Variants in VPS52 observed in about 807,000 individuals in gnomAD.
VPS52 encodes the protein VPS52 subunit of GARP complex, also known as vacuolar protein sorting-associated protein 52 homolog.
VPS52 carries 56 observed loss-of-function variants against 98.7 expected under a neutral mutation model. The ratio of observed to expected loss-of-function variants is 0.57; its 90% CI spans 0.46 to 0.71. VPS52 has a LOEUF of 0.71. VPS52 is among the 30% of genes least tolerant of loss of function. VPS52 has a pLI of 0.00. For synonymous variants in VPS52, 348 were observed against 346.4 expected (o/e 1.00, Z -0.05); for missense variants, 742 against 925.9 (o/e 0.80, Z 2.58).
chr6:33,268,087 G>C lies in VPS52; in HGVS notation c.800+21C>G, dbSNP rs1310263694. 24 of 1,613,068 alleles carry C rather than the reference G, an allele frequency of 1.5e-5. No individual in the cohort carries two copies. Among genetic ancestry groups the C allele is most frequent in the Non-Finnish European group, 2.0e-5 (24 of 1,180,024 alleles). ...CTCAAAAACTCAAAGGCCATCCCAT[G>C]CACTTCCTTGGGGTTGTGACCTGTA... is the stretch of plus-strand genomic sequence containing the variant. On this transcript the variant is annotated intron_variant, in intron 8 of 19. Transcript: ENST00000445902. The surrounding 1 kb of genome is among the most constrained non-coding windows in gnomAD (Gnocchi z 4.0).
chr6:33,258,809 C>A (rs1447615985), intron 17 of VPS52, among the ~76,000 whole-genome samples: 1 of 152,190 alleles, frequency 6.6e-6, no homozygotes. Flanking sequence ...CTCAACTGAT[C>A]CATCCGCCTC....
Position 33,268,495 on chromosome 6 carries a change from C to T in VPS52, c.699+4G>A. ...CCTCCAGGGTATCCATCCCTACTTC[C>T]CACCTTGACCCGGAGCCGATCGAGC... On this transcript the variant is annotated splice_donor_region_variant and intron_variant, in intron 7 of 19. Transcript: ENST00000445902. The surrounding 1 kb of genome is among the most constrained non-coding windows in gnomAD (Gnocchi z 4.0). 1 of 1,589,744 alleles carries T rather than the reference C, an allele frequency of 6.3e-7. No individual in the cohort carries two copies. The highest frequency in any genetic ancestry group is 8.6e-7 in the Non-Finnish European group (1 of 1,166,006).
Position 33,264,440 on chromosome 6 carries a change from C to A in VPS52, c.1458G>T (p.Met486Ile), listed in dbSNP as rs1764040939. 6.2e-7 allele frequency: 1 copy of A among 1,614,186 alleles called. No individual in the cohort carries two copies. The highest frequency in any genetic ancestry group is 8.5e-7 in the Non-Finnish European group (1 of 1,180,046). The change falls in exon 14 of 20, where the codon ATG (methionine) becomes ATT (isoleucine). Residue 486 changes from methionine to isoleucine, a missense_variant. By Grantham distance (10) the Met-to-Ile change is conservative. Around this residue, in one of 2 missense-constraint regions of VPS52, gnomAD observed 590 missense variants for 793.3 expected, o/e 0.74. Transcript: ENST00000445902. The part of the protein sequence containing the change: ...LWPRFELILE[M>I]NVQSVRSTDP... ...CAGTGCTTCGGACGCTCTGAACATT[C>A]ATCTCCAGGATCAGTTCAAACCGTG...
At chr6:33,271,115 T>C (rs17221597) in intron 1 of VPS52, 11,449 of 384,940 alleles carry the variant, frequency 0.03, 309 homozygotes, top group African/African-American at 0.086. Flanking sequence ...TTTCTAGAAA[T>C]GTCAAAACAC....
At position 33,270,303 on chromosome 6, in the gene VPS52, TG is replaced by T; in HGVS notation, c.91-21del. 1 of 1,605,690 alleles carries T rather than the reference TG, an allele frequency of 6.2e-7. No individual in the cohort carries two copies. Among genetic ancestry groups the T allele is most frequent in the Non-Finnish European group, 8.5e-7 (1 of 1,172,966 alleles). Reference sequence around the variant, plus strand: ...ACCCGCCTGGAAAGGGATAAGTTAATGGGAGTAGGGTACGGTGAAAGACAGA... The same window carrying T: ...ACCCGCCTGGAAAGGGATAAGTTAATGGAGTAGGGTACGGTGAAAGACAGA... On this transcript the variant is annotated intron_variant, in intron 1 of 19. Transcript: ENST00000445902.
At chr6:33,256,142 C>T (rs577770042) in intron 17 of VPS52, among the ~76,000 whole-genome samples, 2 of 152,090 alleles carry the variant, frequency 1.3e-5, no homozygotes, top group East Asian at 1.9e-4. Context: ...ATATGGCAAA[C>T]GACTTACAGT....
Position 33,263,559 on chromosome 6 carries a change from G to A in VPS52, c.1729-10C>T. 1 of 1,614,140 alleles carries A rather than the reference G, an allele frequency of 6.2e-7. No homozygotes were observed. Among genetic ancestry groups the A allele is most frequent in the Non-Finnish European group, 8.5e-7 (1 of 1,180,018 alleles). Reference sequence around the variant, plus strand: ...CATCTGCAGCCCGCTCCTAAGGGAAGACAAAGGGAAATGTCTAGTTTGGGG... The same window carrying A: ...CATCTGCAGCCCGCTCCTAAGGGAAAACAAAGGGAAATGTCTAGTTTGGGG... On this transcript the variant is annotated splice_polypyrimidine_tract_variant and intron_variant, in intron 16 of 19. Transcript: ENST00000445902.
Position 33,267,080 on chromosome 6 carries a change from G to A in VPS52, c.1125+108C>T. On this transcript the variant is annotated intron_variant, in intron 11 of 19. Coordinates refer to ENST00000445902, the MANE Select transcript of VPS52 (RefSeq NM_022553.6). The surrounding 1 kb of genome is among the most constrained non-coding windows in gnomAD (Gnocchi z 4.2). ...GAGAAGGCCACTCCCAAGTCTAAGG[G>A]GATTAAGACAGGGCCTGCAGGTTGG... is the stretch of plus-strand genomic sequence containing the variant. 1 of 1,395,760 alleles carries A rather than the reference G, an allele frequency of 7.2e-7. No homozygotes were observed. Among genetic ancestry groups the A allele is most frequent in the Non-Finnish European group, 9.4e-7 (1 of 1,059,120 alleles). 86.5% of individuals were successfully genotyped at this position (1,395,760 alleles called of 1,614,324 possible).
chr6:33,268,220 G>C lies in VPS52; in HGVS notation c.700-12C>G, dbSNP rs755545968. 6 of 1,612,550 alleles carry C rather than the reference G, an allele frequency of 3.7e-6. No homozygotes were observed. The East Asian group carries it at 6.7e-5, about 18-fold the overall frequency. On this transcript the variant is annotated splice_polypyrimidine_tract_variant and intron_variant, in intron 7 of 19. Transcript: ENST00000445902. This position sits in a 1 kb window ranked among gnomAD's most constrained non-coding sequence, Gnocchi z 4.0. Reference sequence around the variant, plus strand: ...ATCTTCGTCACTGCCTAGATGTGGGGAACCAAACACAGGGCATGAAGCTGC... The same window carrying C: ...ATCTTCGTCACTGCCTAGATGTGGGCAACCAAACACAGGGCATGAAGCTGC...
intron 17 of VPS52, among the ~76,000 whole-genome samples, chr6:33,259,618 C>G (rs912580391): frequency 1.3e-5 from 2 of 151,948 alleles, no homozygotes; most frequent in Non-Finnish European, 2.9e-5. Flanking sequence ...ACATGATGCT[C>G]AAAGGTAATG....
Position 33,266,692 on chromosome 6 carries a change from G to C in VPS52, c.1146C>G (p.Phe382Leu). 6.2e-7 allele frequency: 1 copy of C among 1,611,442 alleles called. No homozygotes were observed. Among genetic ancestry groups the C allele is most frequent in the Non-Finnish European group, 8.5e-7 (1 of 1,179,186 alleles). The change falls in exon 12 of 20, where the codon TTC (phenylalanine) becomes TTG (leucine). Residue 382 changes from phenylalanine (F) to leucine (L), a missense_variant. Phe to Leu is a conservative substitution (Grantham distance 22). Coordinates refer to ENST00000445902, the MANE Select transcript of VPS52 (RefSeq NM_022553.6). ...GEQRYPFEAL[F>L]RSQHYALLDN... The stretch of plus-strand genomic sequence containing the variant: ...CTAGGAGGGCGTAGTGCTGGCTGCG[G>C]AAGAGGGCCTCAAATGGATACTGGG...
chr6:33,271,483 C>A, intron 1 of VPS52, 103 bp downstream of exon 1: 1 of 1,488,218 alleles, frequency 6.7e-7, no homozygotes, highest in Non-Finnish European at 9.2e-7. Flanking sequence ...GGTAATATCA[C>A]GGGTAGCAGC....
chr6:33,250,342 G>A lies in VPS52; in HGVS notation c.*499C>T, dbSNP rs1762068411. 1 of 154,082 alleles carries A rather than the reference G, an allele frequency of 6.5e-6. No homozygotes were observed. The highest frequency in any genetic ancestry group is 2.4e-5 in the African/African-American group (1 of 41,512). 9.5% of individuals were successfully genotyped at this position (154,082 alleles called of 1,614,324 possible). A position where few individuals can be genotyped will look rare whatever the true frequency, so the allele number is the denominator to read the frequency against. ...CGGAGTAATTCTTGAGCCAGGAGGG[G>A]AGAGGTTAGTGTTCAAATTGCTGAG... On this transcript the variant is annotated 3_prime_UTR_variant, in exon 20 of 20. Transcript: ENST00000445902.
intron 17 of VPS52, among the ~76,000 whole-genome samples, chr6:33,259,172 G>T (rs915682779): frequency 1.3e-5 from 2 of 152,148 alleles, no homozygotes; most frequent in Non-Finnish European, 2.9e-5. Flanking sequence ...ACAAAGACTT[G>T]AGTCAACACC....
Position 33,268,973 on chromosome 6 carries a change from A to T in VPS52, c.548+41T>A. On this transcript the variant is annotated intron_variant, in intron 6 of 19. Coordinates refer to ENST00000445902, the MANE Select transcript of VPS52 (RefSeq NM_022553.6). The surrounding 1 kb of genome is among the most constrained non-coding windows in gnomAD (Gnocchi z 4.0). ...TAGGGTGGGTCACCCCAGCCCATCC[A>T]CCTGCTATGGACATTATAACCCTTC... The T allele has an allele frequency of 6.2e-7, 1 of 1,602,882 alleles. No homozygotes were observed. Among genetic ancestry groups the T allele is most frequent in the South Asian group, 1.1e-5 (1 of 90,480 alleles).
Position 33,262,829 on chromosome 6 carries a change from G to C in VPS52, c.1794+655C>G, listed in dbSNP as rs191081707. On this transcript the variant is annotated intron_variant, in intron 17 of 19. Transcript: ENST00000445902. ...GTGGAATCTAAAAATCAAAACAATT[G>C]AACTCATGTACTCATGTACGAAGAG... Among the ~76,000 whole-genome samples, 114 of 152,290 alleles carry C rather than the reference G, an allele frequency of 7.5e-4. 2 individuals carry two copies. In the East Asian group the frequency reaches 0.016, roughly 22 times the overall value.
At position 33,250,820 on chromosome 6, in the gene VPS52, C is replaced by T. The variant is rs1329756880; in HGVS notation, c.*21G>A. 1 of 1,605,986 alleles carries T rather than the reference C, an allele frequency of 6.2e-7. No homozygotes were observed. The highest frequency in any genetic ancestry group is 2.2e-5 in the East Asian group (1 of 44,668). On this transcript the variant is annotated 3_prime_UTR_variant, in exon 20 of 20. Coordinates refer to ENST00000445902, the MANE Select transcript of VPS52 (RefSeq NM_022553.6). ...AAGTCCATGGAGATGACCGGCAGAT[C>T]TCAGGGCGGTTTCTGGCACATCAGA...
In VPS52 at chr6:33,267,754, A is replaced by G. The variant is rs756238286; in HGVS notation, c.934-15T>C. 2 of 1,613,050 alleles carry G rather than the reference A, an allele frequency of 1.2e-6. No homozygotes were observed. The highest frequency in any genetic ancestry group is 1.7e-6 in the Non-Finnish European group (2 of 1,180,034). ...ACTTCCTCATACTAAGGAAAGAGAA[A>G]AGAGAACTGATAACCGTCTCTTCCC... On this transcript the variant is annotated splice_polypyrimidine_tract_variant and intron_variant, in intron 9 of 19. Transcript: ENST00000445902. The surrounding 1 kb of genome is among the most constrained non-coding windows in gnomAD (Gnocchi z 4.2).
In VPS52 at chr6:33,260,354, CT is replaced by C. The variant is rs1184409636; in HGVS notation, c.1794+3129del. On this transcript the variant is annotated intron_variant, in intron 17 of 19. Transcript: ENST00000445902. Reference sequence around the variant, plus strand: ...TACAGGTGCATACCACCATGCCTGGCTTTTTTTTTTTTCTTTTTTGCCTTGC... The same window carrying C: ...TACAGGTGCATACCACCATGCCTGGCTTTTTTTTTTTCTTTTTTGCCTTGC... 6.2e-3 allele frequency among the ~76,000 whole-genome samples: 892 copies of C among 143,862 alleles called. 4 individuals are homozygous for C. Among genetic ancestry groups the C allele is most frequent in the Admixed American group, 0.014 (199 of 14,332 alleles). 94.4% of individuals were successfully genotyped at this position (143,862 alleles called of 152,430 possible).
Sources: allele counts gnomAD v4.1 joint callset (sites outside exome capture counted in the v4.1 genomes callset), GRCh38; gene constraint gnomAD v4.1.1; regional missense constraint gnomAD v4.1.1; non-coding constraint Gnocchi (gnomAD v3.1); transcripts MANE v1.5; gene names NCBI Gene and HGNC (gene_info 2026-07-23, HGNC 2026-07-21).